The following KCNIP1 variants were observed in gnomAD, a reference collection of about 807,000 sequenced individuals.
KCNIP1 encodes potassium voltage-gated channel interacting protein 1, also known as A-type potassium channel modulatory protein KCNIP1.
Under a neutral mutation model 33.0 loss-of-function variants are expected in KCNIP1, and 18 were observed. The ratio of observed to expected loss-of-function variants is 0.55; its 90% confidence interval spans 0.38 to 0.81. KCNIP1 has a LOEUF of 0.81. Ranked by LOEUF, KCNIP1 falls within the 30% of genes least tolerant of loss-of-function variation. The pLI, the probability that KCNIP1 is intolerant of heterozygous loss-of-function variation, is 0.00. For missense variants in KCNIP1, 238 were observed against 271.6 expected, an observed-to-expected ratio of 0.88 and a Z score of 0.87; for synonymous variants, 93 against 98.3, an observed-to-expected ratio of 0.95 and a Z score of 0.32.
At chr5:170,540,458 G>A (rs1349564684) in intron 1 of KCNIP1, among the ~76,000 whole-genome samples, 1 of 152,210 alleles carries the variant, frequency 6.6e-6, no homozygotes, top group African/African-American at 2.4e-5. Flanking sequence ...GCCCAGCCCT[G>A]CTATGTGGAT....
chr5:170,483,514 C>T (rs1757021333), intron 1 of KCNIP1, among the ~76,000 whole-genome samples: 1 of 152,210 alleles, frequency 6.6e-6, no homozygotes, highest in Admixed American at 6.5e-5. Flanking sequence ...ACCAATCACT[C>T]CATAACTTGG....
At chr5:170,531,412 G>A (rs1406965153) in intron 1 of KCNIP1, among the ~76,000 whole-genome samples, 1 of 152,178 alleles carries the variant, frequency 6.6e-6, no homozygotes, top group Admixed American at 6.5e-5. Flanking sequence ...GACCACCAAT[G>A]AGGTGGTGAG....
intron 1 of KCNIP1, among the ~76,000 whole-genome samples, chr5:170,670,480 T>C (rs1480560557): frequency 6.6e-6 from 1 of 152,122 alleles, no homozygotes; most frequent in African/African-American, 2.4e-5. Context: ...AATTATAGAG[T>C]TGGCCTGAGC....
intron 1 of KCNIP1, among the ~76,000 whole-genome samples, chr5:170,465,991 A>C (rs1704206759): frequency 6.6e-6 from 1 of 152,224 alleles, no homozygotes; most frequent in Admixed American, 6.5e-5. Flanking sequence ...TTTGGAAGAC[A>C]AGTGAGAGGA....
intron 1 of KCNIP1, among the ~76,000 whole-genome samples, chr5:170,690,484 A>C (rs1294073645): frequency 2.6e-5 from 4 of 152,252 alleles, no homozygotes; most frequent in Non-Finnish European, 4.4e-5. Flanking sequence ...ATATCCCAAG[A>C]ATAGATAAAG....
intron 1 of KCNIP1, among the ~76,000 whole-genome samples, chr5:170,358,852 C>G (rs1186697374): frequency 1.3e-5 from 2 of 152,100 alleles, no homozygotes; most frequent in Non-Finnish European, 2.9e-5. Flanking sequence ...GGATTAGAAC[C>G]CAGGTCTTGC....
rs538598854 is a variant in KCNIP1 at position 170,365,143 on chromosome 5, C to T, written c.88+11179C>T. 3.3e-5 allele frequency among the ~76,000 whole-genome samples: 5 copies of T among 152,234 alleles called. No individual in the cohort carries two copies. The South Asian group carries it at 1.0e-3, about 32-fold the overall frequency. On this transcript the variant is annotated intron_variant, in intron 1 of 7. Coordinates refer to the KCNIP1 transcript ENST00000377360. ...CCCCAGCACCTGGTGCAGGGCCTACCACATGGTAGGCCCTCATTGGGAGTT... is the reference window on the plus strand; with the variant it reads ...CCCCAGCACCTGGTGCAGGGCCTACTACATGGTAGGCCCTCATTGGGAGTT...
At chr5:170,650,080 G>C (rs568131304) in intron 1 of KCNIP1, among the ~76,000 whole-genome samples, 1 of 151,932 alleles carries the variant, frequency 6.6e-6, no homozygotes, top group Non-Finnish European at 1.5e-5. Flanking sequence ...AGAGAAAAGG[G>C]AATTTTAAGA....
chr5:170,519,767 G>A (rs1396984083), intron 1 of KCNIP1, among the ~76,000 whole-genome samples: 1 of 152,146 alleles, frequency 6.6e-6, no homozygotes, highest in Non-Finnish European at 1.5e-5. Context: ...TGGGTAATAA[G>A]AGTATGGAAG....
chr5:170,355,692 G>C (rs1317242323), intron 1 of KCNIP1, among the ~76,000 whole-genome samples: 1 of 152,230 alleles, frequency 6.6e-6, no homozygotes, highest in African/African-American at 2.4e-5. Context: ...GAAGCTGCCA[G>C]AGGGAGCAAC....
intron 1 of KCNIP1, among the ~76,000 whole-genome samples, chr5:170,690,601 T>C (rs868281012): frequency 6.6e-6 from 1 of 152,204 alleles, no homozygotes; most frequent in Non-Finnish European, 1.5e-5. Context: ...TTTTTTCAAG[T>C]CCAACTCTGG....
At chr5:170,655,730 G>T (rs550503015) in intron 1 of KCNIP1, among the ~76,000 whole-genome samples, 8 of 152,282 alleles carry the variant, frequency 5.3e-5, no homozygotes, top group African/African-American at 1.9e-4. Context: ...CTTGCACTGT[G>T]GGCTGAGAAT....
intron 1 of KCNIP1, among the ~76,000 whole-genome samples, chr5:170,466,642 G>A (rs942722738): frequency 5.9e-5 from 9 of 152,234 alleles, no homozygotes; most frequent in Non-Finnish European, 1.3e-4. Context: ...AGGCTGGGAA[G>A]TCTAGGATCA....
At chr5:170,616,524 G>T (rs1478266317) in intron 1 of KCNIP1, among the ~76,000 whole-genome samples, 2 of 152,210 alleles carry the variant, frequency 1.3e-5, no homozygotes, top group African/African-American at 4.8e-5. Flanking sequence ...GGAAGGCCTT[G>T]CAGGGGCTGG....
At chr5:170,530,199 T>G (rs970808599) in intron 1 of KCNIP1, among the ~76,000 whole-genome samples, 1 of 152,226 alleles carries the variant, frequency 6.6e-6, no homozygotes, top group African/African-American at 2.4e-5. Context: ...ATTGATTGTT[T>G]AGATGGCAAC....
chr5:170,406,308 G>A (rs1755037564), intron 1 of KCNIP1, among the ~76,000 whole-genome samples: 1 of 152,164 alleles, frequency 6.6e-6, no homozygotes. Context: ...TAAATGAAGA[G>A]TAAGCTGGAG....
At chr5:170,535,471 CAAT>C (rs1245485276) in intron 1 of KCNIP1, among the ~76,000 whole-genome samples, 2 of 152,120 alleles carry the variant, frequency 1.3e-5, no homozygotes, top group African/African-American at 2.4e-5. Flanking sequence ...ACAACAACAA[CAAT>C]ATCTAGGTGT....
At chr5:170,470,669 T>C (rs1302115484) in intron 1 of KCNIP1, among the ~76,000 whole-genome samples, 4 of 152,240 alleles carry the variant, frequency 2.6e-5, no homozygotes, top group Non-Finnish European at 5.9e-5. Flanking sequence ...ATGTGTTGGT[T>C]TGGCCTAAAA....
At chr5:170,628,928 C>A (rs887160302) in intron 1 of KCNIP1, among the ~76,000 whole-genome samples, 3 of 152,222 alleles carry the variant, frequency 2.0e-5, no homozygotes, top group African/African-American at 7.2e-5. Context: ...TCCATCCAGG[C>A]CTGCAGTCTG....
Sources: gnomAD v4.1 joint callset for allele counts (sites outside exome capture counted in the v4.1 genomes callset) on GRCh38, gnomAD v4.1.1 for gene constraint, MANE v1.5 for transcripts, NCBI Gene and HGNC (gene_info 2026-07-23, HGNC 2026-07-21) for gene names.